Variants in SPMAP2 observed in about 807,000 individuals in gnomAD.
SPMAP2 encodes the protein sperm microtubule associated protein 2.
At chr19:362,001 G>A in the SPMAP2 span, 65 of 418,276 alleles carry the variant, frequency 1.6e-4, no homozygotes, top group African/African-American at 3.3e-4. Flanking sequence ...TTCAGAAGGC[G>A]CTCGAGATGG....
the SPMAP2 span, among the ~76,000 whole-genome samples, chr19:366,863 G>C: frequency 6.6e-6 from 1 of 152,168 alleles, no homozygotes; most frequent in African/African-American, 2.4e-5. Context: ...TCTGCACCCT[G>C]ATTTTCTCTT....
chr19:373,636 G>A, the SPMAP2 span: 3 of 1,118,172 alleles, frequency 2.7e-6, no homozygotes, highest in South Asian at 4.0e-5. Flanking sequence ...GGGGTGTGGA[G>A]TTGCTGGGAG....
At chr19:367,867 T>C in the SPMAP2 span, among the ~76,000 whole-genome samples, 1 of 149,262 alleles carries the variant, frequency 6.7e-6, no homozygotes, top group Admixed American at 6.6e-5. Flanking sequence ...AATTAGACCA[T>C]TTTTTTTCTC....
At chr19:365,513 ACCCCCACCACACAGCAAG>A in the SPMAP2 span, among the ~76,000 whole-genome samples, 1 of 83,318 alleles carries the variant, frequency 1.2e-5, no homozygotes, top group Non-Finnish European at 3.1e-5. Context: ...ACTCGCTCTT[ACCCCCACCACACAGCAAG>A]TGTGAGCACA....
chr19:370,797 G>A, the SPMAP2 span, among the ~76,000 whole-genome samples: 5 of 152,304 alleles, frequency 3.3e-5, no homozygotes, highest in East Asian at 1.9e-4. Context: ...GATGCAGGGC[G>A]GGGGGCGGCA....
the SPMAP2 span, among the ~76,000 whole-genome samples, chr19:367,791 G>A: frequency 5.3e-5 from 8 of 152,164 alleles, no homozygotes; most frequent in East Asian, 1.9e-4. Flanking sequence ...GGAAGGAGCC[G>A]GGCGCCCGGC....
At chr19:375,491 CAAG>C in the SPMAP2 span, among the ~76,000 whole-genome samples, 1 of 152,158 alleles carries the variant, frequency 6.6e-6, no homozygotes, top group African/African-American at 2.4e-5. Context: ...GCCAACCGAC[CAAG>C]CCCACACCTA....
the SPMAP2 span, chr19:371,275 G>T: frequency 1.3e-6 from 2 of 1,519,264 alleles, no homozygotes; most frequent in Non-Finnish European, 1.8e-6. Flanking sequence ...GCGACTCGAC[G>T]CTCTGTATTC....
the SPMAP2 span, among the ~76,000 whole-genome samples, chr19:364,143 C>T: frequency 6.0e-5 from 9 of 150,306 alleles, no homozygotes; most frequent in African/African-American, 1.9e-4. Flanking sequence ...ACCATCCTGG[C>T]TCACACGGTG....
the SPMAP2 span, chr19:375,650 C>A: frequency 2.6e-6 from 4 of 1,538,496 alleles, no homozygotes; most frequent in Non-Finnish European, 3.5e-6. Flanking sequence ...CAGGCCCGTT[C>A]CCCGGTGCCC....
At chr19:366,012 G>C in the SPMAP2 span, among the ~76,000 whole-genome samples, 8 of 152,154 alleles carry the variant, frequency 5.3e-5, 1 homozygote, top group Admixed American at 2.6e-4. Context: ...GTGATGGCAG[G>C]CTCCCGTAGT....
chr19:366,942 G>T, the SPMAP2 span: 1 of 1,145,768 alleles, frequency 8.7e-7, no homozygotes, highest in Non-Finnish European at 1.2e-6. Flanking sequence ...ACACGTCCCT[G>T]TGATTTCTGC....
At chr19:372,567 C>A in the SPMAP2 span, 3 of 1,536,734 alleles carry the variant, frequency 2.0e-6, no homozygotes, top group East Asian at 2.3e-5. Context: ...TCCTGTCAGG[C>A]GAGAATAAGG....
the SPMAP2 span, chr19:373,585 C>T: frequency 7.8e-5 from 122 of 1,570,332 alleles, no homozygotes; most frequent in Admixed American, 3.9e-4. Context: ...TGGCCCTGCC[C>T]GGAAACAAGC....
the SPMAP2 span, among the ~76,000 whole-genome samples, chr19:370,393 G>C: frequency 6.6e-6 from 1 of 151,554 alleles, no homozygotes; most frequent in African/African-American, 2.4e-5. Context: ...CCAGGCTGGA[G>C]GGCAGTGGCG....
the SPMAP2 span, chr19:374,093 C>T: frequency 6.6e-7 from 1 of 1,517,880 alleles, no homozygotes; most frequent in Non-Finnish European, 9.0e-7. Context: ...TCTCCTTTGG[C>T]CACCGCCCAG....
the SPMAP2 span, among the ~76,000 whole-genome samples, chr19:363,831 G>A: frequency 6.6e-6 from 1 of 151,526 alleles, no homozygotes; most frequent in African/African-American, 2.4e-5. Flanking sequence ...CACCGTGCCC[G>A]GCCCCATTTT....
At chr19:373,501 A>G in the SPMAP2 span, 3 of 1,613,326 alleles carry the variant, frequency 1.9e-6, no homozygotes, top group East Asian at 6.7e-5. Context: ...TGGTGTCCTC[A>G]AGGAACCGCT....
the SPMAP2 span, among the ~76,000 whole-genome samples, chr19:372,055 GCA>G: frequency 6.6e-6 from 1 of 152,348 alleles, no homozygotes; most frequent in Admixed American, 6.5e-5. Flanking sequence ...GTTAAAAAGT[GCA>G]CAGAGGCGTG....
Sources: allele counts gnomAD v4.1 joint callset (sites outside exome capture counted in the v4.1 genomes callset), GRCh38; gene constraint gnomAD v4.1.1; transcripts MANE v1.5; gene names NCBI Gene and HGNC (gene_info 2026-07-23, HGNC 2026-07-21).